Variants in COMMD7 observed in about 807,000 individuals in gnomAD.
COMMD7 encodes COMM domain containing 7, also known as COMM domain-containing protein 7.
Under a neutral mutation model 34.8 loss-of-function variants are expected in COMMD7, and 28 were observed. That is an observed-to-expected ratio of 0.80 (90% CI 0.60 to 1.10). The LOEUF (loss-of-function observed/expected upper bound fraction) is 1.10. Ranked by LOEUF, COMMD7 falls within the 50% of genes least tolerant of loss-of-function variation. The pLI is 0.00. For synonymous variants in COMMD7, 80 were observed against 86.4 expected (o/e 0.93, Z 0.41); for missense variants, 211 against 241.6 (o/e 0.87, Z 0.84).
At chr20:32,731,548 C>T (rs1209408702) in intron 1 of COMMD7, among the ~76,000 whole-genome samples, 1 of 152,014 alleles carries the variant, frequency 6.6e-6, no homozygotes, top group African/African-American at 2.4e-5. Flanking sequence ...CCTCCAAAGC[C>T]CTGCCAAGAA....
Position 32,722,246 on chromosome 20 carries a change from GA to G in COMMD7, c.241+5646del, listed in dbSNP as rs747223357. ...GGTGACAAGAGCAAAACTCTGTCTCGAAAAAAAAAAAAAAAAAAAAAAGGAT... is the reference window on the plus strand; with the variant it reads ...GGTGACAAGAGCAAAACTCTGTCTCGAAAAAAAAAAAAAAAAAAAAAGGAT... On this transcript the variant is annotated intron_variant, in intron 3 of 8. Coordinates refer to ENST00000278980, the MANE Select transcript of COMMD7 (RefSeq NM_053041.3). 7.3e-3 allele frequency among the ~76,000 whole-genome samples: 269 copies of G among 36,998 alleles called. 1 individual carries two copies. The highest frequency in any genetic ancestry group is 0.03 in the African/African-American group (238 of 7,840). The allele number at this position is 36,998 out of a possible 152,430, so 24.3% of individuals were successfully genotyped here. A position where few individuals can be genotyped will look rare whatever the true frequency, so the allele number is the denominator to read the frequency against.
chr20:32,733,834 G>A (rs1385904897), intron 1 of COMMD7, among the ~76,000 whole-genome samples: 3 of 148,932 alleles, frequency 2.0e-5, no homozygotes, highest in Non-Finnish European at 4.5e-5. Flanking sequence ...GCAGTGAGCC[G>A]AGATTGCACG....
intron 3 of COMMD7, among the ~76,000 whole-genome samples, chr20:32,715,025 AAAATAAAT>A (rs753830615): frequency 3.9e-4 from 59 of 150,412 alleles, no homozygotes; most frequent in East Asian, 1.8e-3. Context: ...AATAAAAATA[AAAATAAAT>A]AAATAAATAA....
At chr20:32,733,992 G>A (rs754402205) in intron 1 of COMMD7, among the ~76,000 whole-genome samples, 4 of 151,138 alleles carry the variant, frequency 2.6e-5, no homozygotes, top group South Asian at 2.1e-4. Flanking sequence ...TCCTGGCTAC[G>A]GTGAAACCCC....
chr20:32,722,685 C>G (rs1985243386), intron 3 of COMMD7, among the ~76,000 whole-genome samples: 1 of 150,356 alleles, frequency 6.7e-6, no homozygotes, highest in East Asian at 2.0e-4. Context: ...GATCGTGCCA[C>G]TGCACTCCAG....
At chr20:32,720,210 A>G (rs1985061973) in intron 3 of COMMD7, among the ~76,000 whole-genome samples, 1 of 152,182 alleles carries the variant, frequency 6.6e-6, no homozygotes, top group Non-Finnish European at 1.5e-5. Flanking sequence ...ATGATCTGCT[A>G]TACGCCGGGC....
intron 1 of COMMD7, among the ~76,000 whole-genome samples, chr20:32,742,038 A>C (rs1276499315): frequency 6.6e-6 from 1 of 152,090 alleles, no homozygotes; most frequent in Non-Finnish European, 1.5e-5. Flanking sequence ...AAATACAAAA[A>C]TTAGCTGGGC....
At chr20:32,711,544 G>A (rs1471353149) in intron 3 of COMMD7, among the ~76,000 whole-genome samples, 1 of 152,070 alleles carries the variant, frequency 6.6e-6, no homozygotes, top group Non-Finnish European at 1.5e-5. Context: ...ATTCTCAGAC[G>A]CTATCTTGGT....
chr20:32,704,373 C>T, intron 7 of COMMD7, 67 bp downstream of exon 7: 1 of 1,332,090 alleles, frequency 7.5e-7, no homozygotes, highest in Non-Finnish European at 1.0e-6. Flanking sequence ...CCATTTAACC[C>T]AATGTAGATA....
At chr20:32,715,184 A>AATT (rs1281333135) in intron 3 of COMMD7, among the ~76,000 whole-genome samples, 2 of 149,120 alleles carry the variant, frequency 1.3e-5, no homozygotes, top group Non-Finnish European at 3.0e-5. Flanking sequence ...TAATAATAAT[A>AATT]ATAATAAAAA....
chr20:32,705,141 T>C (rs891849982), intron 5 of COMMD7, among the ~76,000 whole-genome samples: 1 of 151,554 alleles, frequency 6.6e-6, no homozygotes, highest in Non-Finnish European at 1.5e-5. Context: ...ATTTAATCCA[T>C]CTTGGAAAAA....
intron 1 of COMMD7, among the ~76,000 whole-genome samples, chr20:32,729,921 G>A (rs192264338): frequency 6.6e-6 from 1 of 151,960 alleles, no homozygotes; most frequent in East Asian, 2.0e-4. Context: ...GCTGTGGCAG[G>A]AGACTCACTT....
chr20:32,704,799 G>A lies in COMMD7; in HGVS notation c.427+15C>T. ...GTACCACCCAAATAACCCAGGACTG[G>A]TTGTAACTAGTTACCTCCAAATTTC... On this transcript the variant is annotated intron_variant, in intron 6 of 8. Transcript: ENST00000278980. The A allele has an allele frequency of 6.3e-7, 1 of 1,594,238 alleles. No homozygotes were observed. The highest frequency in any genetic ancestry group is 8.6e-7 in the Non-Finnish European group (1 of 1,162,034).
intron 3 of COMMD7, among the ~76,000 whole-genome samples, chr20:32,721,235 T>C (rs1294992334): frequency 1.3e-5 from 2 of 151,578 alleles, no homozygotes; most frequent in Non-Finnish European, 2.9e-5. Flanking sequence ...ACTTTCAAAC[T>C]CCAAGGCAGG....
At chr20:32,734,483 A>G (rs1455802770) in intron 1 of COMMD7, among the ~76,000 whole-genome samples, 1 of 151,842 alleles carries the variant, frequency 6.6e-6, no homozygotes, top group African/African-American at 2.4e-5. Flanking sequence ...AAACCAACCA[A>G]AAAAAAACCC....
At chr20:32,732,984 C>A (rs1985927259) in intron 1 of COMMD7, among the ~76,000 whole-genome samples, 1 of 151,168 alleles carries the variant, frequency 6.6e-6, no homozygotes, top group African/African-American at 2.4e-5. Flanking sequence ...CATCTGTAAT[C>A]CCAGCACTTT....
At position 32,730,282 on chromosome 20, in the gene COMMD7, C is replaced by T. The variant is rs146987910; in HGVS notation, c.85-2140G>A. Among the ~76,000 whole-genome samples the T allele has an allele frequency of 2.5e-3, 385 of 151,996 alleles. 1 individual carries two copies. Among genetic ancestry groups the T allele is most frequent in the African/African-American group, 8.7e-3 (362 of 41,492 alleles). On this transcript the variant is annotated intron_variant, in intron 1 of 8. Coordinates refer to ENST00000278980, the MANE Select transcript of COMMD7 (RefSeq NM_053041.3). ...GTGAACAGTGTGTATGGGCTGGACG[C>T]GGTGGCTCACGCATGTAATCCCAGC...
intron 3 of COMMD7, among the ~76,000 whole-genome samples, chr20:32,709,374 G>A (rs982902726): frequency 1.3e-4 from 19 of 149,154 alleles, no homozygotes; most frequent in Admixed American, 2.7e-4. Flanking sequence ...CTGCATTACA[G>A]CCTGGCAACA....
intron 3 of COMMD7, among the ~76,000 whole-genome samples, chr20:32,711,978 A>T (rs1176756295): frequency 1.3e-5 from 2 of 149,940 alleles, no homozygotes; most frequent in Non-Finnish European, 1.5e-5. Context: ...AGGTCAAGAG[A>T]TCGAGACTGA....
Sources: gnomAD v4.1 joint callset for allele counts (sites outside exome capture counted in the v4.1 genomes callset) on GRCh38, gnomAD v4.1.1 for gene constraint, MANE v1.5 for transcripts, NCBI Gene and HGNC (gene_info 2026-07-23, HGNC 2026-07-21) for gene names.